Variants in HM13 observed in about 807,000 individuals in gnomAD.
HM13 encodes histocompatibility minor 13, also known as signal peptide peptidase.
A neutral mutation model predicts 50.0 loss-of-function variants in HM13; 18 were observed. The observed-to-expected ratio is 0.36, with a 90% confidence interval of 0.25 to 0.53. The LOEUF (loss-of-function observed/expected upper bound fraction) is 0.53, where lower values mean the gene tolerates loss of function less well. Ranked by LOEUF, HM13 falls within the 20% of genes least tolerant of loss-of-function variation. The pLI is 0.90. For synonymous variants in HM13, 197 were observed against 232.6 expected, an observed-to-expected ratio of 0.85 and a Z score of 1.39; for missense variants, 393 against 552.4, an observed-to-expected ratio of 0.71 and a Z score of 2.89.
chr20:31,568,755 G>A (rs955479899), intron 12 of HM13, among the ~76,000 whole-genome samples: 2 of 152,194 alleles, frequency 1.3e-5, no homozygotes, highest in Non-Finnish European at 2.9e-5. Flanking sequence ...TGCCCTGGGA[G>A]GCAGCCTATC....
At chr20:31,555,135 A>G (rs1381670533) in intron 8 of HM13, among the ~76,000 whole-genome samples, 2 of 152,240 alleles carry the variant, frequency 1.3e-5, no homozygotes, top group Non-Finnish European at 2.9e-5. Flanking sequence ...AGATTGAGGT[A>G]CACTCTGAAA....
At chr20:31,521,405 G>T (rs1455564962) in intron 1 of HM13, among the ~76,000 whole-genome samples, 1 of 152,062 alleles carries the variant, frequency 6.6e-6, no homozygotes, top group Non-Finnish European at 1.5e-5. Flanking sequence ...CTAGACCTCC[G>T]CTTCCTCATC....
chr20:31,532,760 T>G (rs1240736750), intron 2 of HM13, among the ~76,000 whole-genome samples: 1 of 152,000 alleles, frequency 6.6e-6, no homozygotes, highest in East Asian at 1.9e-4. Flanking sequence ...CGTGGCTCTG[T>G]GTACATCCAG....
At chr20:31,550,440 G>A (rs971544033) in intron 7 of HM13, 4 of 303,668 alleles carry the variant, frequency 1.3e-5, no homozygotes, top group East Asian at 6.3e-5. Context: ...CCTCTAAGCC[G>A]AGACCCCTCA....
At chr20:31,521,266 A>C (rs1982141656) in intron 1 of HM13, among the ~76,000 whole-genome samples, 1 of 152,198 alleles carries the variant, frequency 6.6e-6, no homozygotes, top group Non-Finnish European at 1.5e-5. Flanking sequence ...AAATTTCCAG[A>C]TAGGAAAGAT....
intron 7 of HM13, among the ~76,000 whole-genome samples, chr20:31,551,962 A>G (rs1011956285): frequency 1.3e-5 from 2 of 151,942 alleles, no homozygotes; most frequent in Admixed American, 1.3e-4. Flanking sequence ...TGAGCCAGAC[A>G]CTCCCACTGG....
intron 7 of HM13, chr20:31,550,401 C>T: frequency 2.3e-6 from 1 of 429,090 alleles, no homozygotes; most frequent in Admixed American, 3.6e-5. Context: ...GCCCGGGGGG[C>T]ACGCGCAGGG....
At chr20:31,524,070 T>C (rs533531824) in intron 1 of HM13, among the ~76,000 whole-genome samples, 2 of 152,104 alleles carry the variant, frequency 1.3e-5, no homozygotes, top group South Asian at 4.1e-4. Context: ...TCCCATATCT[T>C]ATTTGCTTTA....
At position 31,566,337 on chromosome 20, in the gene HM13, G is replaced by T. The variant is rs1984911495; in HGVS notation, c.1034+42G>T. 3 of 1,522,128 alleles carry T rather than the reference G, an allele frequency of 2.0e-6. No individual in the cohort carries two copies. The East Asian group carries it at 6.8e-5, about 34-fold the overall frequency. 94.3% of individuals were successfully genotyped at this position (1,522,128 alleles called of 1,614,324 possible). On this transcript the variant is annotated intron_variant, in intron 11 of 12. Coordinates refer to ENST00000398174, the MANE Select transcript of HM13 (RefSeq NM_178581.3). Reference sequence around the variant, plus strand: ...GGCAGATGTCCTCATGGGCACCAGTGTGCCTGCTGGCAGTCAGTGGAACCT... The same window carrying T: ...GGCAGATGTCCTCATGGGCACCAGTTTGCCTGCTGGCAGTCAGTGGAACCT...
chr20:31,567,949 C>G, intron 11 of HM13, 129 bp from the exon 12 acceptor site: 1 of 788,762 alleles, frequency 1.3e-6, no homozygotes, highest in Admixed American at 3.4e-5. Context: ...TCCATAAAAT[C>G]TGGAAGTGCA....
chr20:31,547,476 C>G (rs773165699), intron 4 of HM13: 2 of 618,092 alleles, frequency 3.2e-6, no homozygotes, highest in East Asian at 3.0e-5. Flanking sequence ...CGTTTGTTTC[C>G]CTGTTGTCGC....
intron 4 of HM13, 129 bp from the exon 5 acceptor site, chr20:31,548,900 A>G (rs758325547): frequency 1.1e-5 from 9 of 826,348 alleles, no homozygotes; most frequent in Non-Finnish European, 1.9e-5. Context: ...TGGGGCAGCC[A>G]AGGCTTAGCC....
intron 4 of HM13, among the ~76,000 whole-genome samples, chr20:31,546,738 G>C (rs529636640): frequency 1.4e-5 from 2 of 146,584 alleles, no homozygotes; most frequent in Admixed American, 1.4e-4. Flanking sequence ...CAGGGCGACA[G>C]AGTGAGACCC....
intron 4 of HM13, chr20:31,547,494 A>ATGT: frequency 1.5e-6 from 1 of 677,432 alleles, no homozygotes; most frequent in East Asian, 2.8e-5. Flanking sequence ...CGCCCGCTTC[A>ATGT]CCCTGGATCA....
chr20:31,518,864 T>TAGAG (rs199667370), intron 1 of HM13, among the ~76,000 whole-genome samples: 2 of 150,930 alleles, frequency 1.3e-5, no homozygotes, highest in African/African-American at 4.9e-5. Context: ...TACATATATA[T>TAGAG]ATAGAGAGAG....
intron 10 of HM13, among the ~76,000 whole-genome samples, chr20:31,564,753 G>A (rs1300669675): frequency 2.0e-5 from 3 of 151,104 alleles, no homozygotes; most frequent in South Asian, 2.1e-4. Flanking sequence ...GCGCATGCCT[G>A]TAATCCCAGT....
chr20:31,556,936 A>G (rs1984341916), intron 8 of HM13, among the ~76,000 whole-genome samples: 2 of 151,076 alleles, frequency 1.3e-5, no homozygotes, highest in Admixed American at 6.6e-5. Context: ...GGAGAATGGC[A>G]TGAACCCGGG....
chr20:31,562,620 C>G (rs1257916690), intron 10 of HM13: 2 of 152,268 alleles, frequency 1.3e-5, no homozygotes, highest in Admixed American at 6.5e-5. Context: ...GTCCCCTTTC[C>G]CCTTCCCCAG....
chr20:31,556,617 G>A (rs1007068691), intron 8 of HM13, among the ~76,000 whole-genome samples: 1 of 152,130 alleles, frequency 6.6e-6, no homozygotes, highest in African/African-American at 2.4e-5. Flanking sequence ...CTGTCCAACT[G>A]CAAAAAAGGC....
Sources: allele counts gnomAD v4.1 joint callset (sites outside exome capture counted in the v4.1 genomes callset), GRCh38; gene constraint gnomAD v4.1.1; transcripts MANE v1.5; gene names NCBI Gene and HGNC (gene_info 2026-07-23, HGNC 2026-07-21).